Variants in DCC observed in about 807,000 individuals in gnomAD.
The protein encoded by DCC is netrin receptor DCC.
A neutral mutation model predicts 172.5 loss-of-function variants in DCC; 58 were observed. The observed-to-expected ratio is 0.34, with a 90% CI of 0.27 to 0.42. The LOEUF is 0.42. Ranked by LOEUF, DCC falls within the 10% of genes least tolerant of loss-of-function variation. DCC has a pLI of 1.00. For synonymous variants in DCC, 709 were observed against 644.5 expected (o/e 1.10, Z -1.52); for missense variants, 1,740 against 1,791.0 (o/e 0.97, Z 0.51).
rs1356798842 is a variant in DCC at position 53,095,324 on chromosome 18, TC to T, written c.1261+29162del. The stretch of plus-strand genomic sequence containing the variant: ...CAGATGACTGGATGGTCTGTTTCTG[TC>T]CCCATGGATATCAGAAGAAGCAGTT... On this transcript the variant is annotated intron_variant, in intron 7 of 28. Transcript: ENST00000442544. Among the ~76,000 whole-genome samples the T allele has an allele frequency of 5.3e-5, 8 of 152,276 alleles. No homozygotes were observed. The East Asian group carries it at 1.5e-3, about 29-fold the overall frequency.
chr18:53,269,215 T>C (rs2056718740), intron 12 of DCC, among the ~76,000 whole-genome samples: 1 of 152,206 alleles, frequency 6.6e-6, no homozygotes, highest in African/African-American at 2.4e-5. Flanking sequence ...GCGTATTCTT[T>C]ATTTATTTGC....
chr18:53,140,785 T>C (rs1480566681), intron 7 of DCC, among the ~76,000 whole-genome samples: 1 of 152,098 alleles, frequency 6.6e-6, no homozygotes, highest in South Asian at 2.1e-4. Context: ...TGATTAAAGA[T>C]TGGAAAGGGA....
intron 1 of DCC, among the ~76,000 whole-genome samples, chr18:52,533,060 A>G (rs551809378): frequency 1.3e-5 from 2 of 152,138 alleles, no homozygotes; most frequent in Non-Finnish European, 2.9e-5. Flanking sequence ...GGCCTTTAAA[A>G]TATTTGCTAG....
At chr18:53,238,761 T>C (rs1177318293) in intron 12 of DCC, among the ~76,000 whole-genome samples, 1 of 152,106 alleles carries the variant, frequency 6.6e-6, no homozygotes, top group Non-Finnish European at 1.5e-5. Context: ...AATGCTGTCA[T>C]ACAGGTATAC....
At chr18:53,397,008 T>C (rs921346611) in intron 17 of DCC, among the ~76,000 whole-genome samples, 1 of 151,836 alleles carries the variant, frequency 6.6e-6, no homozygotes, top group Non-Finnish European at 1.5e-5. Context: ...CCTGATCATA[T>C]GGAAAATATG....
chr18:52,777,357 A>G (rs186089478), intron 2 of DCC, among the ~76,000 whole-genome samples: 3 of 152,298 alleles, frequency 2.0e-5, no homozygotes, highest in Admixed American at 1.3e-4. Flanking sequence ...TGTTGGCCCC[A>G]TAAGTTATTT....
chr18:53,061,885 A>G (rs2042500197), intron 5 of DCC, among the ~76,000 whole-genome samples: 3 of 152,252 alleles, frequency 2.0e-5, no homozygotes, highest in South Asian at 4.1e-4. Flanking sequence ...CTCTCAATAA[A>G]TGTTTGGCAT....
intron 1 of DCC, among the ~76,000 whole-genome samples, chr18:52,519,563 GA>G (rs2031744389): frequency 6.6e-6 from 1 of 152,188 alleles, no homozygotes; most frequent in African/African-American, 2.4e-5. Flanking sequence ...TGGGATGGGG[GA>G]AAGTAAGAGA....
At chr18:53,270,263 T>A (rs186822396) in intron 12 of DCC, among the ~76,000 whole-genome samples, 1 of 152,260 alleles carries the variant, frequency 6.6e-6, no homozygotes, top group Non-Finnish European at 1.5e-5. Context: ...CAAGAATGCT[T>A]TTGTTCAAAC....
chr18:53,345,025 G>T (rs755179543), intron 15 of DCC, among the ~76,000 whole-genome samples: 4 of 151,762 alleles, frequency 2.6e-5, no homozygotes, highest in Non-Finnish European at 4.4e-5. Flanking sequence ...CCTCAACTCT[G>T]CTATTAGAGC....
chr18:53,372,929 T>C (rs2058073696), intron 15 of DCC, among the ~76,000 whole-genome samples: 1 of 152,150 alleles, frequency 6.6e-6, no homozygotes, highest in African/African-American at 2.4e-5. Context: ...TAGCCCCTTT[T>C]AAGTTTGCAT....
chr18:53,457,696 G>A (rs926392438), intron 23 of DCC, among the ~76,000 whole-genome samples: 2 of 152,120 alleles, frequency 1.3e-5, no homozygotes, highest in Non-Finnish European at 1.5e-5. Flanking sequence ...GGAAATAAAT[G>A]GTTATCAGTG....
intron 5 of DCC, among the ~76,000 whole-genome samples, chr18:53,038,921 G>A (rs2143988974): frequency 6.6e-6 from 1 of 151,888 alleles, no homozygotes; most frequent in South Asian, 2.1e-4. Context: ...ACTCAAACAT[G>A]TAAGGGAAGG....
intron 1 of DCC, among the ~76,000 whole-genome samples, chr18:52,546,074 C>G (rs1011900211): frequency 6.6e-6 from 1 of 152,128 alleles, no homozygotes; most frequent in Admixed American, 6.6e-5. Flanking sequence ...CAAACCAAAA[C>G]AAAATGATTC....
chr18:53,157,325 C>A, intron 7 of DCC, 31 bp from the exon 8 acceptor site: 14 of 1,613,730 alleles, frequency 8.7e-6, no homozygotes, highest in Non-Finnish European at 1.2e-5. Flanking sequence ...GGCAGCGACA[C>A]CTCTGATAGC....
intron 2 of DCC, among the ~76,000 whole-genome samples, chr18:52,804,866 C>T (rs1298371447): frequency 2.0e-5 from 3 of 152,120 alleles, no homozygotes; most frequent in East Asian, 3.9e-4. Flanking sequence ...ACGGACATGA[C>T]CTACTGCGCC....
At chr18:53,139,386 A>G (rs534665380) in intron 7 of DCC, among the ~76,000 whole-genome samples, 1 of 152,306 alleles carries the variant, frequency 6.6e-6, no homozygotes, top group East Asian at 1.9e-4. Flanking sequence ...TTTGTCTTTA[A>G]AATGAGGAAA....
At chr18:52,554,224 G>T (rs777237612) in intron 1 of DCC, among the ~76,000 whole-genome samples, 2 of 152,028 alleles carry the variant, frequency 1.3e-5, no homozygotes, top group South Asian at 2.1e-4. Flanking sequence ...TAACTAGTGG[G>T]TTAGTAATAA....
intron 7 of DCC, among the ~76,000 whole-genome samples, chr18:53,078,196 T>A (rs2042748146): frequency 6.6e-6 from 1 of 152,106 alleles, no homozygotes; most frequent in Non-Finnish European, 1.5e-5. Context: ...GAGATTGAGA[T>A]GGGAGGAGCA....
Sources: allele counts gnomAD v4.1 joint callset (sites outside exome capture counted in the v4.1 genomes callset), GRCh38; gene constraint gnomAD v4.1.1; transcripts MANE v1.5; gene names NCBI Gene and HGNC (gene_info 2026-07-23, HGNC 2026-07-21).